Variants in LANCL3 observed in about 807,000 individuals in gnomAD.
The protein encoded by LANCL3 is LanC like family member 3, also known as lanC-like protein 3.
In LANCL3, 19 loss-of-function variants were observed where a neutral mutation model predicts 26.5. That is an observed-to-expected ratio of 0.72 (90% confidence interval 0.50 to 1.05). The LOEUF is 1.05. Among genes scored for constraint, LANCL3 ranks in the 50% least tolerant of loss-of-function variants. LANCL3 has a pLI of 0.00. For missense variants in LANCL3, 318 were observed against 362.7 expected, an observed-to-expected ratio of 0.88 and a Z score of 1.00; for synonymous variants, 160 against 166.6, an observed-to-expected ratio of 0.96 and a Z score of 0.30.
chrX:37,666,806 A>C (rs1180760414), intron 3 of LANCL3, among the ~76,000 whole-genome samples: 2 of 112,307 alleles, frequency 1.8e-5, no homozygotes, highest in African/African-American at 6.5e-5. Context: ...TTTTAAGAAA[A>C]TGTGTATAGT....
intron 1 of LANCL3, among the ~76,000 whole-genome samples, chrX:37,633,390 C>T (rs1215756472): frequency 2.7e-5 from 3 of 111,198 alleles, no homozygotes; most frequent in Admixed American, 9.6e-5. Flanking sequence ...TCCTGTAGCT[C>T]GGGGTAGTTT....
At chrX:37,624,742 C>T (rs1415991869) in intron 1 of LANCL3, among the ~76,000 whole-genome samples, 1 of 111,505 alleles carries the variant, frequency 9.0e-6, no homozygotes, top group African/African-American at 3.3e-5. Context: ...TTCTTATCTG[C>T]CTCCTCTAAG....
In LANCL3 at chrX:37,655,937, A is replaced by C; in HGVS notation, c.697+126A>C. 5 of 555,828 alleles carry C rather than the reference A, an allele frequency of 9.0e-6. No individual in the cohort carries two copies. The South Asian group carries it at 1.6e-4, about 18-fold the overall frequency. The allele number at this position is 555,828 out of a possible 1,213,427, so 45.8% of individuals were successfully genotyped here. ...AGTCATTTAATAAGAAATACTTTAA[A>C]ATTTTCTTTAAAAACCTATACTGAT... On this transcript the variant is annotated intron_variant, in intron 2 of 4. Transcript: ENST00000378619.
chrX:37,649,227 G>T (rs958233220), intron 1 of LANCL3, among the ~76,000 whole-genome samples: 10 of 112,194 alleles, frequency 8.9e-5, no homozygotes, highest in Non-Finnish European at 1.7e-4. Flanking sequence ...ATGATAGACT[G>T]GATAAAGAAA....
At chrX:37,632,191 C>G (rs1274197724) in intron 1 of LANCL3, among the ~76,000 whole-genome samples, 1 of 111,965 alleles carries the variant, frequency 8.9e-6, no homozygotes, top group Non-Finnish European at 1.9e-5. Flanking sequence ...TGAATTGATC[C>G]GTTTACCATT....
At chrX:37,643,107 G>A (rs1318414631) in intron 1 of LANCL3, among the ~76,000 whole-genome samples, 1 of 111,867 alleles carries the variant, frequency 8.9e-6, no homozygotes, top group Non-Finnish European at 1.9e-5. Flanking sequence ...CATTCACTTT[G>A]GGTACATCAG....
At chrX:37,633,446 A>G (rs1925598248) in intron 1 of LANCL3, among the ~76,000 whole-genome samples, 1 of 111,803 alleles carries the variant, frequency 8.9e-6, no homozygotes, top group Non-Finnish European at 1.9e-5. Flanking sequence ...GTCATTCTCC[A>G]TCCAGCTTTG....
intron 1 of LANCL3, among the ~76,000 whole-genome samples, chrX:37,623,127 A>G (rs1925213328): frequency 8.9e-6 from 1 of 112,133 alleles, no homozygotes; most frequent in South Asian, 3.7e-4. Flanking sequence ...ACTATCCTGC[A>G]TTCACCACCA....
At chrX:37,668,927 A>G (rs907171282) in intron 4 of LANCL3, among the ~76,000 whole-genome samples, 2 of 112,367 alleles carry the variant, frequency 1.8e-5, no homozygotes, top group Non-Finnish European at 3.8e-5. Context: ...TCATTCATAA[A>G]ATATGGAAAA....
intron 3 of LANCL3, among the ~76,000 whole-genome samples, chrX:37,666,556 G>C (rs1191522194): frequency 8.9e-6 from 1 of 112,156 alleles, no homozygotes; most frequent in Non-Finnish European, 1.9e-5. Context: ...ATGTGATCTT[G>C]TGATACCAAC....
chrX:37,652,716 C>T (rs1267102109), intron 1 of LANCL3, among the ~76,000 whole-genome samples: 1 of 111,613 alleles, frequency 9.0e-6, no homozygotes, highest in African/African-American at 3.3e-5. Context: ...ATGCTGCTCC[C>T]TCATTCCCAG....
At chrX:37,614,866 A>C (rs1252750639) in intron 1 of LANCL3, among the ~76,000 whole-genome samples, 1 of 112,317 alleles carries the variant, frequency 8.9e-6, no homozygotes, top group Non-Finnish European at 1.9e-5. Flanking sequence ...ACTGCAACTA[A>C]CATTTACTGA....
chrX:37,617,636 T>C (rs1556421837), intron 1 of LANCL3, among the ~76,000 whole-genome samples: 1 of 111,816 alleles, frequency 8.9e-6, no homozygotes, highest in East Asian at 2.8e-4. Flanking sequence ...CCATGACTTC[T>C]AGTAATCTCA....
At chrX:37,641,014 A>G (rs782238061) in intron 1 of LANCL3, among the ~76,000 whole-genome samples, 76 of 111,684 alleles carry the variant, frequency 6.8e-4, no homozygotes, top group African/African-American at 2.2e-3. Flanking sequence ...GGTCACCTCA[A>G]ATATCCTTTT....
At chrX:37,583,210 G>A (rs1325891290) in intron 1 of LANCL3, among the ~76,000 whole-genome samples, 1 of 111,833 alleles carries the variant, frequency 8.9e-6, no homozygotes, top group Non-Finnish European at 1.9e-5. Flanking sequence ...TGCTGTTTTG[G>A]TTACTGTAGC....
intron 1 of LANCL3, among the ~76,000 whole-genome samples, chrX:37,642,381 A>G (rs1022062695): frequency 3.6e-5 from 4 of 111,708 alleles, no homozygotes; most frequent in Non-Finnish European, 7.5e-5. Context: ...TCTTATAACA[A>G]GAGTTTGGAT....
At position 37,572,051 on chromosome X, in the gene LANCL3, T is replaced by C; in HGVS notation, c.181T>C (p.Cys61Arg). The change falls in exon 1 of 5, where the codon TGC becomes CGC. Residue 61 changes from cysteine (C) to arginine (R), a missense_variant. Coordinates refer to ENST00000378619, the MANE Select transcript of LANCL3 (RefSeq NM_001170331.2). ...AGGGGCGACGGCGGGGGCTAGCGCCTGCCAGGGGGGGCTTTATGGCGGCGT... is the reference window on the plus strand; with the variant it reads ...AGGGGCGACGGCGGGGGCTAGCGCCCGCCAGGGGGGGCTTTATGGCGGCGT... ...ARGATAGASACQGGLYGGVAG... is the reference protein window; with the variant it reads ...ARGATAGASARQGGLYGGVAG... 2.5e-6 allele frequency: 3 copies of C among 1,180,838 alleles called. No homozygotes were observed. The highest frequency in any genetic ancestry group is 3.4e-6 in the Non-Finnish European group (3 of 881,433).
chrX:37,576,990 G>C (rs1322592711), intron 1 of LANCL3, among the ~76,000 whole-genome samples: 2 of 112,651 alleles, frequency 1.8e-5, no homozygotes, highest in Non-Finnish European at 3.8e-5. Flanking sequence ...ACCATGGAAG[G>C]AGACATGAGC....
intron 3 of LANCL3, among the ~76,000 whole-genome samples, chrX:37,666,764 A>G (rs1926555209): frequency 1.8e-5 from 2 of 112,106 alleles, no homozygotes; most frequent in South Asian, 7.5e-4. Flanking sequence ...CTTCTGGAGC[A>G]TTGTTTTTCT....
Sources: gnomAD v4.1 joint callset for allele counts (sites outside exome capture counted in the v4.1 genomes callset) on GRCh38, gnomAD v4.1.1 for gene constraint, MANE v1.5 for transcripts, NCBI Gene and HGNC (gene_info 2026-07-23, HGNC 2026-07-21) for gene names.